Variants in MEN1 observed in about 807,000 individuals in gnomAD.
MEN1 encodes menin.
MEN1 carries 6 observed loss-of-function variants against 58.0 expected under a neutral mutation model. That is an observed-to-expected ratio of 0.10 (90% CI 0.06 to 0.20). The LOEUF is 0.20. Among genes scored for constraint, MEN1 ranks in the 10% least tolerant of loss-of-function variants. The pLI is 1.00. For synonymous variants in MEN1, 346 were observed against 350.7 expected, an observed-to-expected ratio of 0.99 and a Z score of 0.15; for missense variants, 492 against 818.5, an observed-to-expected ratio of 0.60 and a Z score of 4.87.
rs578248808 is a variant in MEN1, at chr11:64,807,499, C to G, written c.783+53G>C. 1 of 1,603,854 alleles carries G rather than the reference C, an allele frequency of 6.2e-7. No individual in the cohort carries two copies. The highest frequency in any genetic ancestry group is 1.1e-5 in the South Asian group (1 of 90,648). On this transcript the variant is annotated intron_variant, in intron 4 of 9. Coordinates refer to ENST00000450708, the MANE Select transcript of MEN1 (RefSeq NM_001370259.2). This position sits in a 1 kb window ranked among gnomAD's most constrained non-coding sequence, Gnocchi z 4.9. ...GAAAGTGCCCCTGCCCAGGGTCCCA[C>G]AGCAAGTCAAGTCTGGCCTAGCCCA...
intron 2 of MEN1, among the ~76,000 whole-genome samples, 175 bp downstream of exon 2, chr11:64,809,490 T>C (rs559269166): frequency 8.2e-4 from 125 of 152,198 alleles, no homozygotes; most frequent in South Asian, 1.7e-3. Context: ...TGCCATGCCG[T>C]GTGTGACTTT....
chr11:64,806,111 A>T, intron 7 of MEN1, 121 bp downstream of exon 7: 1 of 1,346,874 alleles, frequency 7.4e-7, no homozygotes, highest in Non-Finnish European at 1.0e-6. Context: ...CTTGCTGCCT[A>T]GGGACTGGAT....
intron 2 of MEN1, among the ~76,000 whole-genome samples, chr11:64,809,410 T>A (rs1261754019): frequency 2.0e-5 from 3 of 151,646 alleles, no homozygotes; most frequent in East Asian, 3.9e-4. Context: ...GTGGCAAGGG[T>A]GGGGGTGCTG....
chr11:64,804,765 C>T lies in MEN1; in HGVS notation c.1402G>A (p.Glu468Lys), dbSNP rs1471493357. Residue 468 changes from glutamate to lysine, a missense_variant, in exon 10 of 10, where the codon GAG (glutamate) becomes AAG (lysine). Glu to Lys is a moderately conservative substitution (Grantham distance 56). Transcript: ENST00000450708. The surrounding 1 kb of genome is among the most constrained non-coding windows in gnomAD (Gnocchi z 4.2). ...VSREAEAAEAEEPWGEEAREG... is the reference protein window; with the variant it reads ...VSREAEAAEAKEPWGEEAREG... ...CGGGCTTCCTCGCCCCACGGCTCCT[C>T]GGCCTCGGCCGCCTCGGCCTCTCGG... is the stretch of plus-strand genomic sequence containing the variant. 1 of 1,596,936 alleles carries T rather than the reference C, an allele frequency of 6.3e-7. No homozygotes were observed. The highest frequency in any genetic ancestry group is 8.5e-7 in the Non-Finnish European group (1 of 1,178,806).
intron 6 of MEN1, 145 bp downstream of exon 6, chr11:64,806,866 G>T: frequency 1.3e-6 from 1 of 769,920 alleles, no homozygotes; most frequent in Non-Finnish European, 2.2e-6. Context: ...TGACTGAACT[G>T]ATTCTGCACA....
Position 64,804,272 on chromosome 11 carries a change from C to T in MEN1, c.*62G>A, listed in dbSNP as rs1057067406. On this transcript the variant is annotated 3_prime_UTR_variant, in exon 10 of 10. Transcript: ENST00000450708. The surrounding 1 kb of genome is among the most constrained non-coding windows in gnomAD (Gnocchi z 4.2). ...TTGGGCTGGGGGCAGAACATGGGCT[C>T]AGAGTTGGGGGACTAAGGGCGGAGC... The T allele has an allele frequency of 6.8e-6, 11 of 1,611,928 alleles. No individual in the cohort carries two copies. Among genetic ancestry groups the T allele is most frequent in the Non-Finnish European group, 9.3e-6 (11 of 1,178,836 alleles).
chr11:64,808,879 C>T (rs908198935), intron 2 of MEN1, among the ~76,000 whole-genome samples: 17 of 151,398 alleles, frequency 1.1e-4, no homozygotes, highest in African/African-American at 3.9e-4. Context: ...GGCATGAAAG[C>T]AGGAGGCAGA....
rs529037188 is a variant in MEN1, at chr11:64,806,410, C to G, written c.913-42G>C. Reference sequence around the variant, plus strand: ...CAGAGGATCCTCAGGGAGGCAGCCCCAGCTGCCCTGCTGGCACAAATGCCC... The same window carrying G: ...CAGAGGATCCTCAGGGAGGCAGCCCGAGCTGCCCTGCTGGCACAAATGCCC... On this transcript the variant is annotated intron_variant, in intron 6 of 9. Coordinates refer to ENST00000450708, the MANE Select transcript of MEN1 (RefSeq NM_001370259.2). 1.9e-3 allele frequency: 3,033 copies of G among 1,612,966 alleles called. 74 individuals carry two copies. In the South Asian group the frequency reaches 0.032, roughly 17 times the overall value.
chr11:64,805,510 G>A, intron 8 of MEN1, 125 bp downstream of exon 8: 1 of 1,234,706 alleles, frequency 8.1e-7, no homozygotes, highest in East Asian at 2.5e-5. Context: ...AGGGAACATA[G>A]CTGTCTGCTC....
At chr11:64,810,558 C>G (rs1942061976), upstream of MEN1, 1 of 165,374 alleles carries the variant, frequency 6.0e-6, no homozygotes, top group African/African-American at 2.4e-5. Context: ...GCACGCCGCC[C>G]GGAGCCTGCT....
rs1592659200 is a variant in MEN1, at chr11:64,809,873, G to A, written c.237C>T (p.Pro79=). ...CGGCGATGATAGACAGGTCGGCCAC[G>A]GGAAAGTAGGTGAGGCCGCCAGGCG... ...PDPPGGLTYF[P]VADLSIIAAL... The change falls in exon 2 of 10, where the codon CCC becomes CCT. Residue 79 remains proline (P), a synonymous_variant. Transcript: ENST00000450708. The A allele has an allele frequency of 6.2e-7, 1 of 1,605,798 alleles. No individual in the cohort carries two copies. Among genetic ancestry groups the A allele is most frequent in the African/African-American group, 1.3e-5 (1 of 74,774 alleles).
rs2136189296 is a variant in MEN1 at position 64,809,898 on chromosome 11, G to A, written c.212C>T (p.Pro71Leu). ...GGGAAAGTAGGTGAGGCCGCCAGGC[G>A]GGTCGGGGGCGGGGCTGGGCTGGAA... is the stretch of plus-strand genomic sequence containing the variant. ...LTFQPSPAPD[P>L]PGGLTYFPVA... is the part of the protein sequence containing the mutation. The change falls in exon 2 of 10, where the codon CCG becomes CTG. Residue 71 changes from proline (P) to leucine (L), a missense_variant. By Grantham distance (98) the Pro-to-Leu change is moderately conservative (BLOSUM62 -3). Around this residue, in one of 5 missense-constraint regions of MEN1, gnomAD observed 335 missense variants for 550.3 expected, o/e 0.61. Coordinates refer to ENST00000450708, the MANE Select transcript of MEN1 (RefSeq NM_001370259.2). The A allele has an allele frequency of 6.3e-7, 1 of 1,593,638 alleles. No individual in the cohort carries two copies. The highest frequency in any genetic ancestry group is 2.3e-5 in the East Asian group (1 of 43,626).
chr11:64,804,871 C>T lies in MEN1; in HGVS notation c.1351-55G>A. The T allele has an allele frequency of 6.3e-7, 1 of 1,595,710 alleles. No homozygotes were observed. Among genetic ancestry groups the T allele is most frequent in the Non-Finnish European group, 8.5e-7 (1 of 1,178,332 alleles). ...CAAGGTTGCCGGCCAGTGGCTGGAA[C>T]TCCAGGACCCTGCTCTGGCCATCCC... On this transcript the variant is annotated intron_variant, in intron 9 of 9. Coordinates refer to ENST00000450708, the MANE Select transcript of MEN1 (RefSeq NM_001370259.2). This position sits in a 1 kb window ranked among gnomAD's most constrained non-coding sequence, Gnocchi z 4.2.
rs775721366 is a variant in MEN1 at position 64,810,074 on chromosome 11, C to A, written c.36G>T (p.Pro12=). The A allele has an allele frequency of 7.1e-7, 1 of 1,406,608 alleles. No homozygotes were observed. The allele number at this position is 1,406,608 out of a possible 1,614,324, so 87.1% of individuals were successfully genotyped here. A position where few individuals can be genotyped will look rare whatever the true frequency, so the allele number is the denominator to read the frequency against. Residue 12 remains proline, a synonymous_variant, in exon 2 of 10, where the codon CCG becomes CCT. Transcript: ENST00000450708. ...GLKAAQKTLF[P]LRSIDDVVRL... ...GCACCACGTCGTCGATGGAGCGCAGCGGGAACAGCGTCTTCTGGGCGGCCT... is the reference window on the plus strand; with the variant it reads ...GCACCACGTCGTCGATGGAGCGCAGAGGGAACAGCGTCTTCTGGGCGGCCT...
intron 6 of MEN1, 145 bp from the exon 7 acceptor site, chr11:64,806,513 G>C: frequency 1.0e-6 from 1 of 976,786 alleles, no homozygotes; most frequent in Non-Finnish European, 1.6e-6. Context: ...TCCACTCGCT[G>C]CCAGCCCTTC....
In MEN1 at chr11:64,803,898, G is replaced by T; in HGVS notation, c.*436C>A. Reference sequence around the variant, plus strand: ...GAAGTGCGGAAATATACTCCTAGGGGCTGAGTGGTCCTAGGCTCCCGGGCT... The same window carrying T: ...GAAGTGCGGAAATATACTCCTAGGGTCTGAGTGGTCCTAGGCTCCCGGGCT... On this transcript the variant is annotated 3_prime_UTR_variant, in exon 10 of 10. Coordinates refer to ENST00000450708, the MANE Select transcript of MEN1 (RefSeq NM_001370259.2). 3.4e-6 allele frequency: 1 copy of T among 298,392 alleles called. No individual in the cohort carries two copies. The highest frequency in any genetic ancestry group is 6.4e-6 in the Non-Finnish European group (1 of 155,088). The allele number at this position is 298,392 out of a possible 1,614,324, so 18.5% of individuals were successfully genotyped here.
In MEN1 at chr11:64,807,352, G is replaced by T; in HGVS notation, c.784-133C>A. On this transcript the variant is annotated intron_variant, in intron 4 of 9. Transcript: ENST00000450708. The surrounding 1 kb of genome is among the most constrained non-coding windows in gnomAD (Gnocchi z 4.9). Reference sequence around the variant, plus strand: ...TGGAAGGGCCAAAATTCTGGGACCAGCCCTTTAATGGAGTCAAAGCAATTT... The same window carrying T: ...TGGAAGGGCCAAAATTCTGGGACCATCCCTTTAATGGAGTCAAAGCAATTT... 1 of 1,147,326 alleles carries T rather than the reference G, an allele frequency of 8.7e-7. No individual in the cohort carries two copies. Among genetic ancestry groups the T allele is most frequent in the Non-Finnish European group, 1.3e-6 (1 of 789,652 alleles). The allele number at this position is 1,147,326 out of a possible 1,614,324, so 71.1% of individuals were successfully genotyped here. A position where few individuals can be genotyped will look rare whatever the true frequency, so the allele number is the denominator to read the frequency against.
At chr11:64,809,630 G>T (rs1941972768) in intron 2 of MEN1, 35 bp downstream of exon 2, 1 of 1,612,102 alleles carries the variant, frequency 6.2e-7, no homozygotes, top group African/African-American at 1.3e-5. Context: ...GAAGAAGTGG[G>T]TCATGGATAA....
At chr11:64,805,556 C>A (rs1941654747) in intron 8 of MEN1, 79 bp downstream of exon 8, 2 of 1,563,500 alleles carry the variant, frequency 1.3e-6, no homozygotes, top group Non-Finnish European at 1.7e-6. Flanking sequence ...TAATCCCGTA[C>A]ATGCAGCCCC....
Sources: gnomAD v4.1 joint callset for allele counts (sites outside exome capture counted in the v4.1 genomes callset) on GRCh38, gnomAD v4.1.1 for gene constraint, gnomAD v4.1.1 regional missense constraint, Gnocchi (gnomAD v3.1) non-coding constraint, MANE v1.5 for transcripts, NCBI Gene and HGNC (gene_info 2026-07-23, HGNC 2026-07-21) for gene names.